The following RGS6 variants were observed in gnomAD, a reference collection of about 807,000 sequenced individuals.
RGS6 encodes regulator of G protein signaling 6.
In RGS6, 30 loss-of-function variants were observed where a neutral mutation model predicts 78.5. The observed-to-expected ratio is 0.38, with a 90% CI of 0.29 to 0.52. RGS6 has a LOEUF of 0.52. RGS6 is among the 20% of genes least tolerant of loss of function. RGS6 has a pLI of 0.85. For synonymous variants in RGS6, 206 were observed against 206.0 expected (o/e 1.00, Z 0.00); for missense variants, 495 against 609.7 (o/e 0.81, Z 1.98).
chr14:72,523,207 C>T (rs116414976), intron 15 of RGS6, among the ~76,000 whole-genome samples: 105 of 152,242 alleles, frequency 6.9e-4, no homozygotes, highest in African/African-American at 2.3e-3. Flanking sequence ...CCACACTGTC[C>T]CTGGATTGTT....
chr14:72,547,827 G>C (rs937685049), intron 17 of RGS6, among the ~76,000 whole-genome samples: 1 of 152,132 alleles, frequency 6.6e-6, no homozygotes, highest in Non-Finnish European at 1.5e-5. Flanking sequence ...GGCCACATAC[G>C]GGAATGGGCC....
At chr14:72,604,034 C>T in the RGS6 span, among the ~76,000 whole-genome samples, 9 of 152,106 alleles carry the variant, frequency 5.9e-5, no homozygotes, top group African/African-American at 1.9e-4. Context: ...TATAGTTTAA[C>T]GGGATCCAAG....
intron 2 of RGS6, among the ~76,000 whole-genome samples, chr14:72,332,258 C>T (rs1235732111): frequency 2.0e-5 from 3 of 152,208 alleles, no homozygotes; most frequent in African/African-American, 7.2e-5. Context: ...AGGAGTTTTG[C>T]AGAGTCCTGA....
rs1196757412 is a variant in RGS6, at chr14:72,405,105, A to T, written c.185-49423A>T. Among the ~76,000 whole-genome samples the T allele has an allele frequency of 2.6e-5, 4 of 152,220 alleles. No individual in the cohort carries two copies. In the East Asian group the frequency reaches 5.8e-4, roughly 22 times the overall value. On this transcript the variant is annotated intron_variant, in intron 3 of 17. Coordinates refer to ENST00000553525, the MANE Select transcript of RGS6 (RefSeq NM_001204424.2). ...AATCCTTGACAATCAGAATTGTTTC[A>T]AAACAGAGTCAGCAGCTTCTTGAGA...
intron 2 of RGS6, among the ~76,000 whole-genome samples, chr14:72,075,121 A>G (rs531262140): frequency 5.3e-4 from 81 of 152,252 alleles, no homozygotes; most frequent in African/African-American, 1.7e-3. Context: ...GTTGTGTTGA[A>G]GGGCATGCAC....
chr14:71,959,168 A>T (rs1160362378), intron 1 of RGS6, among the ~76,000 whole-genome samples: 1 of 152,202 alleles, frequency 6.6e-6, no homozygotes, highest in Non-Finnish European at 1.5e-5. Flanking sequence ...CTGCTATAAC[A>T]GGAAGAGTGA....
At chr14:72,353,470 G>C (rs958126713) in intron 3 of RGS6, among the ~76,000 whole-genome samples, 3 of 152,130 alleles carry the variant, frequency 2.0e-5, no homozygotes, top group African/African-American at 7.2e-5. Context: ...CAGTCTCAAA[G>C]GTTACATGCT....
At chr14:72,130,422 G>A (rs1273262611) in intron 2 of RGS6, among the ~76,000 whole-genome samples, 1 of 152,180 alleles carries the variant, frequency 6.6e-6, no homozygotes, top group African/African-American at 2.4e-5. Context: ...TCAGGGACAA[G>A]GTTGAAAGTT....
chr14:72,007,303 C>T, intron 2 of RGS6, among the ~76,000 whole-genome samples: 1 of 152,122 alleles, frequency 6.6e-6, no homozygotes, highest in Middle Eastern at 3.2e-3. Flanking sequence ...TAAGAAATGG[C>T]ATCTGAGCAA....
chr14:72,292,627 C>T (rs74926267), intron 2 of RGS6, among the ~76,000 whole-genome samples: 1 of 152,208 alleles, frequency 6.6e-6, no homozygotes, highest in Non-Finnish European at 1.5e-5. Flanking sequence ...TTCTGCAGGC[C>T]TGACCTGCTC....
intron 2 of RGS6, among the ~76,000 whole-genome samples, chr14:72,347,403 T>G (rs1195121244): frequency 6.6e-6 from 1 of 152,224 alleles, no homozygotes; most frequent in Non-Finnish European, 1.5e-5. Flanking sequence ...ATGAGATGGT[T>G]GAGAATCTGA....
chr14:72,616,468 G>A, the RGS6 span, among the ~76,000 whole-genome samples: 1 of 152,152 alleles, frequency 6.6e-6, no homozygotes, highest in East Asian at 1.9e-4. Flanking sequence ...TGGTCACAAG[G>A]GAGATTTGAA....
At chr14:71,984,963 T>G (rs1211950289) in intron 2 of RGS6, among the ~76,000 whole-genome samples, 3 of 152,110 alleles carry the variant, frequency 2.0e-5, no homozygotes, top group African/African-American at 7.2e-5. Context: ...AAAGTTAACA[T>G]TTTGGTCTCT....
At chr14:71,925,974 A>G in the RGS6 span, among the ~76,000 whole-genome samples, 1 of 152,164 alleles carries the variant, frequency 6.6e-6, no homozygotes, top group Non-Finnish European at 1.5e-5. Context: ...AAAGATCTGT[A>G]CATAGAAAAC....
At chr14:72,036,396 A>G (rs1242890078) in intron 2 of RGS6, among the ~76,000 whole-genome samples, 1 of 151,980 alleles carries the variant, frequency 6.6e-6, no homozygotes, top group Admixed American at 6.6e-5. Flanking sequence ...ATATGTTTTC[A>G]TATTGTAATG....
intron 3 of RGS6, among the ~76,000 whole-genome samples, chr14:72,416,584 G>C (rs547071155): frequency 6.6e-6 from 1 of 152,266 alleles, no homozygotes; most frequent in African/African-American, 2.4e-5. Flanking sequence ...TAGAGTTTCA[G>C]GCCTTTGGGC....
At chr14:72,050,602 A>T (rs2093171069) in intron 2 of RGS6, among the ~76,000 whole-genome samples, 1 of 152,212 alleles carries the variant, frequency 6.6e-6, no homozygotes, top group African/African-American at 2.4e-5. Context: ...CAAATGAAAG[A>T]TTATATATCT....
intron 1 of RGS6, among the ~76,000 whole-genome samples, chr14:71,939,822 C>A (rs1245104675): frequency 6.6e-6 from 1 of 152,202 alleles, no homozygotes; most frequent in Admixed American, 6.5e-5. Context: ...TCTTTCAAGT[C>A]CCTGTTGGTG....
At chr14:72,500,419 C>T (rs922418951) in intron 13 of RGS6, among the ~76,000 whole-genome samples, 1 of 152,138 alleles carries the variant, frequency 6.6e-6, no homozygotes, top group Non-Finnish European at 1.5e-5. Context: ...ACACTCCAGC[C>T]AAGGGATGGT....
Sources: gnomAD v4.1 joint callset for allele counts (sites outside exome capture counted in the v4.1 genomes callset) on GRCh38, gnomAD v4.1.1 for gene constraint, MANE v1.5 for transcripts, NCBI Gene and HGNC (gene_info 2026-07-23, HGNC 2026-07-21) for gene names.